The following CENPP variants were observed in gnomAD, a reference collection of about 807,000 sequenced individuals.
CENPP encodes centromere protein P.
A neutral mutation model predicts 35.6 loss-of-function variants in CENPP; 24 were observed. That is an observed-to-expected ratio of 0.67 (90% CI 0.49 to 0.95). The LOEUF (loss-of-function observed/expected upper bound fraction) is 0.95, where lower values mean the gene tolerates loss of function less well. Ranked by LOEUF, CENPP falls within the 40% of genes least tolerant of loss-of-function variation. The pLI is 0.00. For missense variants in CENPP, 332 were observed against 345.3 expected (o/e 0.96, Z 0.31); for synonymous variants, 120 against 125.5 (o/e 0.96, Z 0.29).
chr9:92,499,965 C>T (rs1846572311), intron 5 of CENPP, among the ~76,000 whole-genome samples: 2 of 151,848 alleles, frequency 1.3e-5, no homozygotes, highest in Admixed American at 6.6e-5. Flanking sequence ...AAATGTGTTC[C>T]CAAAAGTAGG....
chr9:92,357,912 C>G (rs1054334542), intron 4 of CENPP, among the ~76,000 whole-genome samples: 2 of 151,966 alleles, frequency 1.3e-5, no homozygotes, highest in Non-Finnish European at 2.9e-5. Flanking sequence ...GGCCTCCATA[C>G]TTTCTGATGA....
At chr9:92,503,305 A>G (rs1400445092) in intron 5 of CENPP, among the ~76,000 whole-genome samples, 1 of 152,196 alleles carries the variant, frequency 6.6e-6, no homozygotes, top group Non-Finnish European at 1.5e-5. Context: ...TTTAATCTCT[A>G]CTTACCAGTG....
At chr9:92,563,651 C>T (rs942121850) in intron 5 of CENPP, among the ~76,000 whole-genome samples, 3 of 152,188 alleles carry the variant, frequency 2.0e-5, no homozygotes, top group Admixed American at 1.3e-4. Context: ...TCTTCAAACA[C>T]TCAATTATTT....
intron 3 of CENPP, chr9:92,341,766 T>G (rs1841127665): frequency 6.6e-6 from 1 of 152,304 alleles, no homozygotes; most frequent in Admixed American, 6.5e-5. Context: ...CAACCCCTGC[T>G]GCTGTGGCCA....
At chr9:92,587,116 G>C (rs1221134926) in intron 5 of CENPP, among the ~76,000 whole-genome samples, 1 of 151,790 alleles carries the variant, frequency 6.6e-6, no homozygotes, top group African/African-American at 2.4e-5. Flanking sequence ...AGAGAAAAAA[G>C]AAAAAAACAG....
intron 5 of CENPP, among the ~76,000 whole-genome samples, chr9:92,511,620 A>T (rs1847351293): frequency 6.6e-6 from 1 of 152,122 alleles, no homozygotes; most frequent in African/African-American, 2.4e-5. Flanking sequence ...GCACACACAA[A>T]AAAAGGAAGC....
chr9:92,542,761 C>T (rs1849345030), intron 5 of CENPP, among the ~76,000 whole-genome samples: 1 of 152,222 alleles, frequency 6.6e-6, no homozygotes, highest in South Asian at 2.1e-4. Context: ...ATCCACCGGC[C>T]TCGGCCTCCC....
At chr9:92,574,489 A>C (rs148285148) in intron 5 of CENPP, among the ~76,000 whole-genome samples, 179 of 151,340 alleles carry the variant, frequency 1.2e-3, no homozygotes, top group African/African-American at 4.1e-3. Context: ...ACAATAGCAT[A>C]AAAAAAGAAT....
chr9:92,503,863 T>G (rs182906748), intron 5 of CENPP, among the ~76,000 whole-genome samples: 3 of 152,380 alleles, frequency 2.0e-5, no homozygotes, highest in Admixed American at 6.5e-5. Context: ...TGTTGAAAAC[T>G]CTGCAGCTGT....
intron 5 of CENPP, among the ~76,000 whole-genome samples, chr9:92,497,624 CAAA>C (rs1315903167): frequency 2.5e-5 from 2 of 81,608 alleles, no homozygotes; most frequent in Non-Finnish European, 2.7e-5. Flanking sequence ...AACTCTGTCT[CAAA>C]AAAAAAAAAA....
At chr9:92,422,112 A>G (rs534485977) in intron 5 of CENPP, among the ~76,000 whole-genome samples, 1 of 151,682 alleles carries the variant, frequency 6.6e-6, no homozygotes, top group African/African-American at 2.4e-5. Flanking sequence ...GTGCAGTGGC[A>G]CAATCTCGGC....
chr9:92,332,471 G>A, intron 2 of CENPP, 120 bp downstream of exon 2: 1 of 725,578 alleles, frequency 1.4e-6, no homozygotes, highest in Non-Finnish European at 2.1e-6. Context: ...GTATGGTTGT[G>A]GTAAACTTGT....
At chr9:92,545,392 G>T (rs980147077) in intron 5 of CENPP, among the ~76,000 whole-genome samples, 6 of 152,176 alleles carry the variant, frequency 3.9e-5, no homozygotes, top group African/African-American at 1.4e-4. Flanking sequence ...TTAGCACCCC[G>T]GCCAGCAGCT....
intron 5 of CENPP, chr9:92,475,002 T>G: frequency 7.4e-7 from 1 of 1,344,454 alleles, no homozygotes. Context: ...CTGGCAAGAG[T>G]GCAATGAAAT....
At chr9:92,592,315 G>A (rs1239950843) in intron 5 of CENPP, among the ~76,000 whole-genome samples, 1 of 152,100 alleles carries the variant, frequency 6.6e-6, no homozygotes, top group Non-Finnish European at 1.5e-5. Flanking sequence ...TCCAGCCCAG[G>A]GCGAGCACTG....
chr9:92,415,457 A>G, intron 5 of CENPP: 1 of 1,605,232 alleles, frequency 6.2e-7, no homozygotes, highest in Middle Eastern at 1.7e-4. Flanking sequence ...ATAGAAGGAC[A>G]CATCACTGTA....
intron 5 of CENPP, among the ~76,000 whole-genome samples, chr9:92,429,659 C>T (rs749204481): frequency 1.2e-4 from 18 of 151,988 alleles, no homozygotes; most frequent in African/African-American, 4.1e-4. Context: ...TGGTGGTAGG[C>T]GCCTATAATC....
intron 5 of CENPP, among the ~76,000 whole-genome samples, chr9:92,497,318 TGATACTTTTAA>T (rs1846402462): frequency 6.6e-6 from 1 of 150,972 alleles, no homozygotes; most frequent in Non-Finnish European, 1.5e-5. Flanking sequence ...AGTGATATAC[TGATACTTTTAA>T]AAAGTAAAGG....
intron 5 of CENPP, among the ~76,000 whole-genome samples, chr9:92,471,250 G>A (rs1845503615): frequency 6.6e-6 from 1 of 150,694 alleles, no homozygotes; most frequent in Non-Finnish European, 1.5e-5. Flanking sequence ...AGGCTGGAGT[G>A]CAGTGGCATG....
Sources: gnomAD v4.1 joint callset for allele counts (sites outside exome capture counted in the v4.1 genomes callset) on GRCh38, gnomAD v4.1.1 for gene constraint, MANE v1.5 for transcripts, NCBI Gene and HGNC (gene_info 2026-07-23, HGNC 2026-07-21) for gene names.